The following DPP10 variants were observed in gnomAD, a reference collection of about 807,000 sequenced individuals.
The protein encoded by DPP10 is inactive dipeptidyl peptidase 10.
DPP10 carries 33 observed loss-of-function variants against 120.9 expected under a neutral mutation model. The observed-to-expected ratio is 0.27, with a 90% confidence interval of 0.21 to 0.37. The LOEUF is 0.37. Ranked by LOEUF, DPP10 falls within the 10% of genes least tolerant of loss-of-function variation. The pLI is 1.00. For missense variants in DPP10, 816 were observed against 942.8 expected (o/e 0.87, Z 1.76); for synonymous variants, 337 against 326.1 (o/e 1.03, Z -0.36).
chr2:114,625,287 T>A (rs1207473789), intron 1 of DPP10, among the ~76,000 whole-genome samples: 1 of 151,942 alleles, frequency 6.6e-6, no homozygotes, highest in Non-Finnish European at 1.5e-5. Flanking sequence ...TTTAACAAGA[T>A]CTTCTAGCCC....
intron 1 of DPP10, among the ~76,000 whole-genome samples, chr2:114,495,524 C>A (rs920330308): frequency 1.3e-5 from 2 of 152,106 alleles, no homozygotes; most frequent in Non-Finnish European, 2.9e-5. Context: ...TTAAAAAAAT[C>A]TGAAAACTGA....
chr2:115,272,122 C>G (rs113034012), intron 1 of DPP10, among the ~76,000 whole-genome samples: 212 of 152,228 alleles, frequency 1.4e-3, no homozygotes, highest in African/African-American at 4.9e-3. Flanking sequence ...ATTGTTGTTG[C>G]TGTTGTTCAG....
chr2:114,734,975 C>T (rs1466985110), intron 1 of DPP10, among the ~76,000 whole-genome samples: 5 of 152,176 alleles, frequency 3.3e-5, no homozygotes, highest in East Asian at 3.9e-4. Flanking sequence ...CCACCTTCTC[C>T]CTCATGTTCT....
chr2:115,066,234 A>G (rs928136799), intron 1 of DPP10, among the ~76,000 whole-genome samples: 9 of 152,182 alleles, frequency 5.9e-5, no homozygotes, highest in African/African-American at 2.4e-5. Flanking sequence ...ATAGATACGT[A>G]TATTATTCTT....
rs367965798 is a variant in DPP10, at chr2:115,067,531, C to T, written c.61-241708C>T. 8.2e-4 allele frequency among the ~76,000 whole-genome samples: 119 copies of T among 145,740 alleles called. No individual in the cohort carries two copies. The East Asian group carries it at 0.016, about 20-fold the overall frequency. ...CCTCCCAAAGTGCTGGGATCACAGGCGTGAGCCACCGCGCCCAGCCAGAAT... is the reference window on the plus strand; with the variant it reads ...CCTCCCAAAGTGCTGGGATCACAGGTGTGAGCCACCGCGCCCAGCCAGAAT... On this transcript the variant is annotated intron_variant, in intron 1 of 25. Coordinates refer to ENST00000410059, the MANE Select transcript of DPP10 (RefSeq NM_020868.6).
At chr2:114,863,395 G>A (rs1025165085) in intron 1 of DPP10, among the ~76,000 whole-genome samples, 1 of 152,130 alleles carries the variant, frequency 6.6e-6, no homozygotes, top group Admixed American at 6.6e-5. Context: ...GTAAAGTTGG[G>A]TGGGACTGGT....
At chr2:114,917,107 C>A (rs1694863756) in intron 1 of DPP10, among the ~76,000 whole-genome samples, 1 of 152,182 alleles carries the variant, frequency 6.6e-6, no homozygotes, top group African/African-American at 2.4e-5. Flanking sequence ...AACTGATAAA[C>A]AACTTCAGCA....
intron 1 of DPP10, among the ~76,000 whole-genome samples, chr2:114,609,675 CAG>C (rs776528501): frequency 6.0e-4 from 91 of 152,160 alleles, no homozygotes; most frequent in Non-Finnish European, 1.2e-3. Flanking sequence ...AATGTAAACA[CAG>C]AGATTCCAAA....
intron 3 of DPP10, among the ~76,000 whole-genome samples, chr2:115,476,752 T>G (rs911033619): frequency 2.0e-5 from 3 of 152,148 alleles, no homozygotes; most frequent in Non-Finnish European, 4.4e-5. Context: ...GTGTTAATAC[T>G]GTTACAGAAA....
rs535585477 is a variant in DPP10, at chr2:115,468,093, AG to A, written c.272-31415del. The A allele has an allele frequency of 1.5e-5, 7 of 466,540 alleles. No homozygotes were observed. The Admixed American group carries it at 1.6e-4, about 11-fold the overall frequency. 28.9% of individuals were successfully genotyped at this position (466,540 alleles called of 1,614,324 possible). On this transcript the variant is annotated intron_variant, in intron 3 of 25. Transcript: ENST00000410059. ...TGCGATGTCTTGAAAATGAAGGTAGAGGATGTCCTCAAGTTTCTTACAGCAG... is the reference window on the plus strand; with the variant it reads ...TGCGATGTCTTGAAAATGAAGGTAGAGATGTCCTCAAGTTTCTTACAGCAG...
At chr2:114,687,599 A>G (rs1699455808) in intron 1 of DPP10, among the ~76,000 whole-genome samples, 1 of 151,990 alleles carries the variant, frequency 6.6e-6, no homozygotes, top group South Asian at 2.1e-4. Context: ...TAAAGCTTTC[A>G]ACCACAGAAT....
intron 1 of DPP10, among the ~76,000 whole-genome samples, chr2:114,841,845 G>C (rs999667241): frequency 6.6e-6 from 1 of 152,052 alleles, no homozygotes; most frequent in Non-Finnish European, 1.5e-5. Context: ...GAATTGGTTA[G>C]GTGGAGAGAA....
At chr2:115,065,093 T>C (rs937856737) in intron 1 of DPP10, among the ~76,000 whole-genome samples, 3 of 152,172 alleles carry the variant, frequency 2.0e-5, no homozygotes, top group Non-Finnish European at 2.9e-5. Context: ...ACCCTTTATA[T>C]GCTCTGGGTT....
intron 3 of DPP10, among the ~76,000 whole-genome samples, chr2:115,357,587 G>T (rs1247516561): frequency 6.6e-6 from 1 of 152,154 alleles, no homozygotes; most frequent in Non-Finnish European, 1.5e-5. Context: ...AGTACAAGCC[G>T]TCAGTGGATC....
chr2:115,590,151 TTTATTATTATTA>T (rs59816892), intron 5 of DPP10, among the ~76,000 whole-genome samples: 29 of 138,776 alleles, frequency 2.1e-4, no homozygotes, highest in East Asian at 2.1e-4. Context: ...ATTTGTTTTC[TTTATTATTATTA>T]TTATTATTAT....
intron 1 of DPP10, among the ~76,000 whole-genome samples, chr2:114,870,370 C>A (rs1056159198): frequency 6.6e-6 from 1 of 151,862 alleles, no homozygotes; most frequent in African/African-American, 2.4e-5. Flanking sequence ...TCAATGAATT[C>A]TATTTTTTAT....
intron 1 of DPP10, among the ~76,000 whole-genome samples, chr2:114,815,195 T>C (rs985553668): frequency 3.9e-5 from 6 of 152,204 alleles, no homozygotes; most frequent in Non-Finnish European, 8.8e-5. Context: ...TCACATACTT[T>C]TACTTACATT....
intron 1 of DPP10, among the ~76,000 whole-genome samples, chr2:115,101,422 G>C (rs899171065): frequency 6.6e-6 from 1 of 152,090 alleles, no homozygotes; most frequent in Non-Finnish European, 1.5e-5. Context: ...GAACTCTAGG[G>C]GTGTACATTG....
chr2:115,623,183 G>C (rs962314980), intron 5 of DPP10, among the ~76,000 whole-genome samples: 6 of 152,006 alleles, frequency 3.9e-5, no homozygotes, highest in Non-Finnish European at 7.4e-5. Flanking sequence ...TATTTTTGTG[G>C]TATGATGGCA....
Sources: allele counts gnomAD v4.1 joint callset (sites outside exome capture counted in the v4.1 genomes callset), GRCh38; gene constraint gnomAD v4.1.1; transcripts MANE v1.5; gene names NCBI Gene and HGNC (gene_info 2026-07-23, HGNC 2026-07-21).